The following SDAD1 variants were observed in gnomAD, a reference collection of about 807,000 sequenced individuals.
The protein encoded by SDAD1 is SDA1 domain containing 1, also known as protein SDA1 homolog.
In SDAD1, 79 loss-of-function variants were observed where a neutral mutation model predicts 100.3. That is an observed-to-expected ratio of 0.79 (90% CI 0.66 to 0.95). The LOEUF is 0.95. Among genes scored for constraint, SDAD1 ranks in the 40% least tolerant of loss-of-function variants. The pLI is 0.00. For missense variants in SDAD1, 790 were observed against 810.9 expected (o/e 0.97, Z 0.31); for synonymous variants, 267 against 271.4 (o/e 0.98, Z 0.16).
At position 75,981,954 on chromosome 4, in the gene SDAD1, C is replaced by A; in HGVS notation, c.174G>T (p.Glu58Asp). The change falls in exon 2 of 22, where the codon GAG becomes GAT. Residue 58 changes from glutamate to aspartate, a missense_variant. Physicochemically the swap from Glu to Asp is conservative, Grantham distance 45. Coordinates refer to ENST00000356260, the MANE Select transcript of SDAD1 (RefSeq NM_018115.4). ...QPNKPSKELAELVMFMAQISH... is the reference protein window; with the variant it reads ...QPNKPSKELADLVMFMAQISH... ...TTACCTGTGCCATAAACATCACCAG[C>A]TCTGCTAGTTCTTTGCTGGGTTTAT... 1 of 1,610,278 alleles carries A rather than the reference C, an allele frequency of 6.2e-7. No homozygotes were observed.
chr4:75,955,965 T>G lies in SDAD1; in HGVS notation c.2016+10A>C. On this transcript the variant is annotated intron_variant, in intron 21 of 21. Transcript: ENST00000356260. ...CTGTTCTTGCCACCCAAGCTTCAAG[T>G]GGAACTCACCTGTTTTTCTCGGAAG... 1 of 1,586,872 alleles carries G rather than the reference T, an allele frequency of 6.3e-7. No homozygotes were observed.
chr4:75,987,490 G>A (rs1162787524), intron 1 of SDAD1, among the ~76,000 whole-genome samples: 1 of 152,012 alleles, frequency 6.6e-6, no homozygotes, highest in African/African-American at 2.4e-5. Context: ...TGACATCCAT[G>A]TCGCTAATTT....
chr4:75,976,223 C>T (rs999657611), intron 4 of SDAD1, among the ~76,000 whole-genome samples: 1 of 152,154 alleles, frequency 6.6e-6, no homozygotes, highest in Non-Finnish European at 1.5e-5. Context: ...GCACAATTCT[C>T]CTAGGTATAT....
intron 21 of SDAD1, 52 bp downstream of exon 21, chr4:75,955,923 G>C: frequency 6.5e-7 from 1 of 1,541,844 alleles, no homozygotes; most frequent in African/African-American, 1.4e-5. Flanking sequence ...ATGTAAAGCT[G>C]TCTTGGAATT....
chr4:75,959,512 G>C (rs1729110051), intron 17 of SDAD1, among the ~76,000 whole-genome samples: 1 of 152,110 alleles, frequency 6.6e-6, no homozygotes, highest in South Asian at 2.1e-4. Flanking sequence ...GCCGAGGCAG[G>C]AGGATCGCTT....
At chr4:75,969,594 C>T (rs996837312) in intron 10 of SDAD1, among the ~76,000 whole-genome samples, 195 bp from the exon 11 acceptor site, 4 of 152,184 alleles carry the variant, frequency 2.6e-5, no homozygotes, top group African/African-American at 9.6e-5. Context: ...TCTAGAGTGA[C>T]TGTTTGACAG....
At chr4:75,951,674 G>C (rs1368453025) in intron 21 of SDAD1, among the ~76,000 whole-genome samples, 1 of 152,162 alleles carries the variant, frequency 6.6e-6, no homozygotes, top group East Asian at 1.9e-4. Flanking sequence ...TAGAGAAAAA[G>C]AAGACTGAAG....
At chr4:75,989,313 T>C (rs748820297) in intron 1 of SDAD1, among the ~76,000 whole-genome samples, 1 of 152,198 alleles carries the variant, frequency 6.6e-6, no homozygotes, top group Non-Finnish European at 1.5e-5. Flanking sequence ...CCACCTTCCC[T>C]GTTTACGGGG....
At chr4:75,965,720 G>A in intron 13 of SDAD1, 44 bp downstream of exon 13, 1 of 1,523,960 alleles carries the variant, frequency 6.6e-7, no homozygotes, top group South Asian at 1.1e-5. Flanking sequence ...CAGTAACACT[G>A]TCATCCATGC....
chr4:75,954,444 G>A (rs1728778412), intron 21 of SDAD1, among the ~76,000 whole-genome samples: 1 of 151,760 alleles, frequency 6.6e-6, no homozygotes, highest in Non-Finnish European at 1.5e-5. Flanking sequence ...AGGCTGAGGT[G>A]GACAGACTGC....
rs1279750516 is a variant in SDAD1, at chr4:75,956,152, G to A, written c.1855-16C>T. The A allele has an allele frequency of 6.3e-7, 1 of 1,588,574 alleles. No individual in the cohort carries two copies. The highest frequency in any genetic ancestry group is 1.9e-5 in the Admixed American group (1 of 53,262). The stretch of plus-strand genomic sequence containing the variant: ...TCTTTCCAGCCTACCAGAACAAAAA[G>A]TTTGATATTTCTTCTTCAACAACAT... On this transcript the variant is annotated splice_polypyrimidine_tract_variant and intron_variant, in intron 20 of 21. Transcript: ENST00000356260.
intron 20 of SDAD1, 41 bp from the exon 21 acceptor site, chr4:75,956,177 T>C: frequency 6.4e-7 from 1 of 1,568,780 alleles, no homozygotes; most frequent in Non-Finnish European, 8.6e-7. Flanking sequence ...TTCAACAACA[T>C]ACTTTAGGAG....
chr4:75,974,734 C>A (rs1205618381), intron 6 of SDAD1, among the ~76,000 whole-genome samples: 1 of 141,548 alleles, frequency 7.1e-6, no homozygotes, highest in Non-Finnish European at 1.6e-5. Context: ...CAAAAATAAT[C>A]GAGAATTTAA....
chr4:75,958,051 T>A, intron 17 of SDAD1, 110 bp from the exon 18 acceptor site: 1 of 867,418 alleles, frequency 1.2e-6, no homozygotes, highest in Non-Finnish European at 2.0e-6. Flanking sequence ...GATACATTAT[T>A]AACCAAGAAC....
rs1331390098 is a variant in SDAD1, at chr4:75,981,987, C to T, written c.141G>A (p.Leu47=). The change falls in exon 2 of 22, where the codon TTG becomes TTA. Residue 47 remains leucine (L), a synonymous_variant. Transcript: ENST00000356260. ...HYKSNVEIFK[L]QPNKPSKELA... is the part of the protein sequence containing the mutation. Reference sequence around the variant, plus strand: ...GTTCTTTGCTGGGTTTATTTGGTTGCAATTTGAAAATCTCCACATTGGATT... The same window carrying T: ...GTTCTTTGCTGGGTTTATTTGGTTGTAATTTGAAAATCTCCACATTGGATT... The T allele has an allele frequency of 1.9e-6, 3 of 1,612,342 alleles. No individual in the cohort carries two copies. The highest frequency in any genetic ancestry group is 1.7e-5 in the Admixed American group (1 of 59,854).
intron 3 of SDAD1, 26 bp downstream of exon 3, chr4:75,981,346 T>C (rs755878389): frequency 6.2e-7 from 1 of 1,608,742 alleles, no homozygotes; most frequent in South Asian, 1.1e-5. Flanking sequence ...CACAGCACAA[T>C]TTATTCATCC....
At chr4:75,958,006 G>T in intron 17 of SDAD1, 65 bp from the exon 18 acceptor site, 3 of 1,299,410 alleles carry the variant, frequency 2.3e-6, no homozygotes, top group Non-Finnish European at 3.4e-6. Context: ...AAGTTGAGAT[G>T]AAGCAAGCAA....
In SDAD1 at chr4:75,960,212, T is replaced by C; in HGVS notation, c.1357-20A>G. 6.4e-7 allele frequency: 1 copy of C among 1,551,302 alleles called. No homozygotes were observed. The highest frequency in any genetic ancestry group is 8.7e-7 in the Non-Finnish European group (1 of 1,154,486). ...CTTACCCTAAAGGAAAAGAAATTGT[T>C]TGTAATAAGTTGCTTAGATCATAAA... On this transcript the variant is annotated intron_variant, in intron 16 of 21. Coordinates refer to ENST00000356260, the MANE Select transcript of SDAD1 (RefSeq NM_018115.4).
chr4:75,966,657 A>G (rs1403301257), intron 12 of SDAD1, among the ~76,000 whole-genome samples: 6 of 152,344 alleles, frequency 3.9e-5, no homozygotes, highest in South Asian at 2.1e-4. Flanking sequence ...TCAAATCTTA[A>G]TATCTATTAT....
Sources: allele counts gnomAD v4.1 joint callset (sites outside exome capture counted in the v4.1 genomes callset), GRCh38; gene constraint gnomAD v4.1.1; transcripts MANE v1.5; gene names NCBI Gene and HGNC (gene_info 2026-07-23, HGNC 2026-07-21).